Variants in BCAR3 observed in about 807,000 individuals in gnomAD.
The protein encoded by BCAR3 is BCAR3 adaptor protein, NSP family member.
In BCAR3, 37 loss-of-function variants were observed where a neutral mutation model predicts 80.1. The observed-to-expected ratio is 0.46, with a 90% CI of 0.36 to 0.61. The LOEUF (loss-of-function observed/expected upper bound fraction) is 0.61, where lower values mean the gene tolerates loss of function less well. BCAR3 is among the 20% of genes least tolerant of loss of function. The pLI is 0.00. For synonymous variants in BCAR3, 389 were observed against 418.9 expected (o/e 0.93, Z 0.87); for missense variants, 978 against 1,068.2 (o/e 0.92, Z 1.18).
chr1:93,566,613 A>G (rs1258533447), intron 11 of BCAR3, among the ~76,000 whole-genome samples: 1 of 152,140 alleles, frequency 6.6e-6, no homozygotes, highest in Non-Finnish European at 1.5e-5. Context: ...CTCACTTCCC[A>G]GTGTGACTGG....
chr1:93,775,047 C>T (rs1178940570), intron 2 of BCAR3: 1 of 152,188 alleles, frequency 6.6e-6, no homozygotes, highest in Admixed American at 6.5e-5. Context: ...AGCCACTAAG[C>T]CATCAGAGGC....
At chr1:93,841,422 T>C (rs940342942) in intron 2 of BCAR3, among the ~76,000 whole-genome samples, 5 of 152,206 alleles carry the variant, frequency 3.3e-5, no homozygotes, top group Admixed American at 1.3e-4. Flanking sequence ...TGACCAGCCT[T>C]GAAGACCCAA....
intron 2 of BCAR3, among the ~76,000 whole-genome samples, chr1:93,756,309 T>C (rs1432447936): frequency 6.6e-6 from 1 of 152,138 alleles, no homozygotes; most frequent in Non-Finnish European, 1.5e-5. Context: ...ATTGGAGTGT[T>C]CACTCTTAAC....
chr1:93,627,537 G>A (rs780704542), intron 3 of BCAR3, among the ~76,000 whole-genome samples: 7 of 152,114 alleles, frequency 4.6e-5, no homozygotes, highest in Non-Finnish European at 8.8e-5. Context: ...AGTGAACACC[G>A]AAGCAAATAT....
In BCAR3 at chr1:93,592,070, C is replaced by T; in HGVS notation, c.486+195G>A. 1.4e-6 allele frequency: 1 copy of T among 700,302 alleles called. No homozygotes were observed. The highest frequency in any genetic ancestry group is 2.2e-6 in the Non-Finnish European group (1 of 446,760). The allele number at this position is 700,302 out of a possible 1,614,324, so 43.4% of individuals were successfully genotyped here. A position where few individuals can be genotyped will look rare whatever the true frequency, so the allele number is the denominator to read the frequency against. ...CACTTCCTGAACATGTGGATGTGTGCTTTGGGTTCTTGACCTCAGCTCTTC... is the reference window on the plus strand; with the variant it reads ...CACTTCCTGAACATGTGGATGTGTGTTTTGGGTTCTTGACCTCAGCTCTTC... On this transcript the variant is annotated intron_variant, in intron 4 of 11. Coordinates refer to ENST00000260502, the MANE Select transcript of BCAR3 (RefSeq NM_003567.4). This position sits in a 1 kb window ranked among gnomAD's most constrained non-coding sequence, Gnocchi z 4.8.
chr1:93,838,598 T>C (rs1317392110), intron 2 of BCAR3, among the ~76,000 whole-genome samples: 1 of 152,218 alleles, frequency 6.6e-6, no homozygotes, highest in East Asian at 1.9e-4. Context: ...AAAAACTTGA[T>C]ACTAAGTAGC....
intron 2 of BCAR3, among the ~76,000 whole-genome samples, chr1:93,809,207 T>C (rs1423648433): frequency 2.0e-5 from 3 of 152,272 alleles, no homozygotes; most frequent in East Asian, 3.9e-4. Context: ...GATTTCACTA[T>C]ATTTAGAAGG....
intron 2 of BCAR3, among the ~76,000 whole-genome samples, chr1:93,783,815 C>T (rs1652847372): frequency 2.0e-5 from 3 of 152,228 alleles, no homozygotes; most frequent in Admixed American, 1.3e-4. Context: ...AATCTTACCA[C>T]CCTCCCATCA....
chr1:93,790,581 C>G (rs1319954462), intron 2 of BCAR3, among the ~76,000 whole-genome samples: 2 of 140,366 alleles, frequency 1.4e-5, no homozygotes, highest in African/African-American at 5.4e-5. Context: ...CAAATACTGT[C>G]TGCTTTCATG....
intron 2 of BCAR3, among the ~76,000 whole-genome samples, chr1:93,643,537 CTCTT>C (rs1356102583): frequency 1.0e-4 from 8 of 76,830 alleles, no homozygotes; most frequent in African/African-American, 4.4e-4. Context: ...CAGAACAAGA[CTCTT>C]TCTCAAAAAA....
At chr1:93,567,179 T>C (rs900482342) in intron 11 of BCAR3, 100 bp downstream of exon 11, 7 of 1,391,250 alleles carry the variant, frequency 5.0e-6, no homozygotes, top group Middle Eastern at 2.6e-4. Context: ...TAATCCTTCC[T>C]TTTTGGTCTT....
intron 3 of BCAR3, chr1:93,614,036 C>T: frequency 6.8e-7 from 1 of 1,476,676 alleles, no homozygotes; most frequent in Non-Finnish European, 9.0e-7. Context: ...GCTGTTTCTG[C>T]CCAGAAGTCA....
chr1:93,642,108 C>A (rs750199339), intron 3 of BCAR3, among the ~76,000 whole-genome samples, 196 bp downstream of exon 3: 3 of 152,270 alleles, frequency 2.0e-5, no homozygotes, highest in East Asian at 1.9e-4. Context: ...GATAAGGGTA[C>A]CTGTAATAGG....
chr1:93,789,845 G>A (rs1278515056), intron 2 of BCAR3, among the ~76,000 whole-genome samples: 2 of 152,154 alleles, frequency 1.3e-5, no homozygotes, highest in East Asian at 1.9e-4. Context: ...ATTTCCTTAG[G>A]AGAGATTCTT....
chr1:93,779,852 C>G (rs1234544881), intron 2 of BCAR3, among the ~76,000 whole-genome samples: 1 of 152,180 alleles, frequency 6.6e-6, no homozygotes, highest in African/African-American at 2.4e-5. Flanking sequence ...TCCCTCCTCC[C>G]CCAATCCCAG....
At chr1:93,694,772 C>T (rs1649325873) in intron 3 of BCAR3, among the ~76,000 whole-genome samples, 1 of 152,198 alleles carries the variant, frequency 6.6e-6, no homozygotes, top group African/African-American at 2.4e-5. Context: ...ATTTGGGAGA[C>T]CCCAAACCAC....
chr1:93,686,705 G>GTAAC (rs555750063), upstream of BCAR3, among the ~76,000 whole-genome samples: 75 of 152,342 alleles, frequency 4.9e-4, no homozygotes, highest in Non-Finnish European at 1.0e-3. Flanking sequence ...GAGTGCCTGA[G>GTAAC]TAACTGCCTG....
At chr1:93,568,199 T>A (rs949544632) in intron 9 of BCAR3, 38 of 157,086 alleles carry the variant, frequency 2.4e-4, no homozygotes, top group African/African-American at 4.2e-4. Context: ...AAAAAAAAAA[T>A]AAATAAAATA....
chr1:93,786,560 A>T (rs2747036), intron 2 of BCAR3, among the ~76,000 whole-genome samples: 91,677 of 152,094 alleles, frequency 0.6, 28,895 homozygotes, highest in East Asian at 0.79. Flanking sequence ...CACTAAGCTT[A>T]GGAGTGACTT....
Sources: gnomAD v4.1 joint callset for allele counts (sites outside exome capture counted in the v4.1 genomes callset) on GRCh38, gnomAD v4.1.1 for gene constraint, Gnocchi (gnomAD v3.1) non-coding constraint, MANE v1.5 for transcripts, NCBI Gene and HGNC (gene_info 2026-07-23, HGNC 2026-07-21) for gene names.